The following FGF12 variants were observed in gnomAD, a reference collection of about 807,000 sequenced individuals.
The protein encoded by FGF12 is fibroblast growth factor 12.
FGF12 carries 14 observed loss-of-function variants against 23.6 expected under a neutral mutation model. The observed-to-expected ratio is 0.59, with a 90% CI of 0.39 to 0.93. The LOEUF is 0.93. Ranked by LOEUF, FGF12 falls within the 40% of genes least tolerant of loss-of-function variation. FGF12 has a pLI of 0.00. For synonymous variants in FGF12, 62 were observed against 77.3 expected (o/e 0.80, Z 1.04); for missense variants, 175 against 217.8 (o/e 0.80, Z 1.24).
In FGF12 at chr3:192,143,713, C is replaced by G; in HGVS notation, c.*296G>C. ...TGTCTTCATTACAATTAGCCTTCTA[C>G]TAATAACAATACAGTTTAATTTAAT... On this transcript the variant is annotated 3_prime_UTR_variant, in exon 6 of 6. Transcript: ENST00000445105. 1 of 264,720 alleles carries G rather than the reference C, an allele frequency of 3.8e-6. No homozygotes were observed. The highest frequency in any genetic ancestry group is 5.3e-5 in the Admixed American group (1 of 19,024). 16.4% of individuals were successfully genotyped at this position (264,720 alleles called of 1,614,324 possible).
intron 2 of FGF12, among the ~76,000 whole-genome samples, chr3:192,555,630 C>CAA (rs11289130): frequency 0.021 from 1,769 of 83,978 alleles, 56 homozygotes; most frequent in African/African-American, 0.081. Flanking sequence ...TAAAAAGTAC[C>CAA]AAAAAAAAAA....
At chr3:192,298,962 A>G (rs1715194494) in intron 4 of FGF12, among the ~76,000 whole-genome samples, 2 of 152,152 alleles carry the variant, frequency 1.3e-5, no homozygotes, top group South Asian at 4.1e-4. Flanking sequence ...TGGAACTAAG[A>G]GTGAGAACTC....
At chr3:192,239,127 G>T (rs986998941) in intron 4 of FGF12, among the ~76,000 whole-genome samples, 2 of 152,088 alleles carry the variant, frequency 1.3e-5, no homozygotes, top group Non-Finnish European at 2.9e-5. Flanking sequence ...AAGTGTACAT[G>T]GCCCAAAATA....
At chr3:192,441,287 A>T (rs1722193857) in intron 2 of FGF12, among the ~76,000 whole-genome samples, 2 of 152,218 alleles carry the variant, frequency 1.3e-5, no homozygotes, top group Non-Finnish European at 2.9e-5. Context: ...AATGTTGGAT[A>T]AATAAAGGCA....
intron 4 of FGF12, among the ~76,000 whole-genome samples, chr3:192,226,434 T>C (rs1718740658): frequency 6.6e-6 from 1 of 152,166 alleles, no homozygotes; most frequent in South Asian, 2.1e-4. Flanking sequence ...TAAGGCAGAA[T>C]TGTGTGTGTT....
intron 2 of FGF12, among the ~76,000 whole-genome samples, chr3:192,400,745 C>T (rs941170316): frequency 6.6e-6 from 1 of 152,282 alleles, no homozygotes; most frequent in South Asian, 2.1e-4. Flanking sequence ...CCTTCACCAG[C>T]ATTCCTCCAT....
At chr3:192,315,814 G>C (rs1371468778) in intron 4 of FGF12, among the ~76,000 whole-genome samples, 1 of 152,154 alleles carries the variant, frequency 6.6e-6, no homozygotes, top group Admixed American at 6.5e-5. Flanking sequence ...TCTTCAGAAG[G>C]CCATTGTGTG....
At chr3:192,157,502 T>A (rs1269412008) in intron 5 of FGF12, among the ~76,000 whole-genome samples, 1 of 149,522 alleles carries the variant, frequency 6.7e-6, no homozygotes, top group Non-Finnish European at 1.5e-5. Flanking sequence ...GGTATGGATT[T>A]TTTCCAGGGC....
At position 192,445,118 on chromosome 3, in the gene FGF12, T is replaced by C. The variant is rs188007251; in HGVS notation, c.14-84580A>G. Among the ~76,000 whole-genome samples, 66 of 152,374 alleles carry C rather than the reference T, an allele frequency of 4.3e-4. 1 individual carries two copies. The highest frequency in any genetic ancestry group is 1.5e-3 in the African/African-American group (64 of 41,602). ...TTTCCTGAAGAATCTCTTCTATCTT[T>C]GAAACTACCATCCATTTTGCAAAAA... On this transcript the variant is annotated intron_variant, in intron 2 of 5. Transcript: ENST00000445105.
chr3:192,496,932 T>A (rs745390406), intron 2 of FGF12, among the ~76,000 whole-genome samples: 1 of 152,170 alleles, frequency 6.6e-6, no homozygotes, highest in African/African-American at 2.4e-5. Context: ...TTAGTCCTTA[T>A]ATCTCTTTTC....
chr3:192,264,015 A>T (rs1330030419), intron 4 of FGF12, among the ~76,000 whole-genome samples: 1 of 152,118 alleles, frequency 6.6e-6, no homozygotes, highest in Non-Finnish European at 1.5e-5. Context: ...GAGCCTAAAG[A>T]GGATCTAATG....
chr3:192,281,895 G>A lies in FGF12; in HGVS notation c.228+53466C>T, dbSNP rs150334465. Reference sequence around the variant, plus strand: ...TTTCCTGATTATACTGCAGATGCTAGTATGAAAATGTCTACTTGGAGATTT... The same window carrying A: ...TTTCCTGATTATACTGCAGATGCTAATATGAAAATGTCTACTTGGAGATTT... On this transcript the variant is annotated intron_variant, in intron 4 of 5. Transcript: ENST00000445105. Among the ~76,000 whole-genome samples the A allele has an allele frequency of 2.9e-3, 442 of 152,208 alleles. 4 individuals carry two copies. The highest frequency in any genetic ancestry group is 0.017 in the Middle Eastern group (5 of 294).
intron 2 of FGF12, among the ~76,000 whole-genome samples, chr3:192,671,326 G>A (rs1717106953): frequency 2.0e-5 from 3 of 152,116 alleles, no homozygotes. Context: ...GAGATCAGGT[G>A]AACAGTTGGG....
At chr3:192,436,885 G>A (rs2108793808) in intron 2 of FGF12, among the ~76,000 whole-genome samples, 1 of 152,244 alleles carries the variant, frequency 6.6e-6, no homozygotes, top group South Asian at 2.1e-4. Context: ...AGAACACAAA[G>A]GTGGGAAGAT....
chr3:192,398,192 T>C (rs1720605605), intron 2 of FGF12, among the ~76,000 whole-genome samples: 1 of 152,144 alleles, frequency 6.6e-6, no homozygotes, highest in African/African-American at 2.4e-5. Flanking sequence ...ATTAGTGCCT[T>C]GCAAGTAATT....
At chr3:192,150,842 A>G (rs1323734266) in intron 5 of FGF12, among the ~76,000 whole-genome samples, 9 of 140,420 alleles carry the variant, frequency 6.4e-5, no homozygotes, top group Admixed American at 2.2e-4. Context: ...GTTTTTTCCA[A>G]TTCTGTGAAG....
chr3:192,290,451 AG>A (rs1714695002), intron 4 of FGF12, among the ~76,000 whole-genome samples: 2 of 152,178 alleles, frequency 1.3e-5, no homozygotes, highest in South Asian at 4.1e-4. Context: ...TAGTGAAAGA[AG>A]GGGAAGTTGT....
chr3:192,596,034 A>C (rs1017599318), intron 2 of FGF12, among the ~76,000 whole-genome samples: 3 of 150,606 alleles, frequency 2.0e-5, no homozygotes, highest in Admixed American at 6.7e-5. Context: ...CGGGGGTTGC[A>C]GTTAGCCGAT....
chr3:192,416,332 G>T (rs1407245597), intron 2 of FGF12, among the ~76,000 whole-genome samples: 1 of 152,080 alleles, frequency 6.6e-6, no homozygotes, highest in Non-Finnish European at 1.5e-5. Context: ...AAAATGTTAA[G>T]TACAAAGAGT....
Sources: gnomAD v4.1 joint callset for allele counts (sites outside exome capture counted in the v4.1 genomes callset) on GRCh38, gnomAD v4.1.1 for gene constraint, MANE v1.5 for transcripts, NCBI Gene and HGNC (gene_info 2026-07-23, HGNC 2026-07-21) for gene names.